Variants in FRMD5 observed in about 807,000 individuals in gnomAD.
FRMD5 encodes the protein FERM domain-containing protein 5.
FRMD5 carries 20 observed loss-of-function variants against 69.0 expected under a neutral mutation model. The observed-to-expected ratio is 0.29, with a 90% CI of 0.20 to 0.42. The LOEUF is 0.42. FRMD5 is among the 10% of genes least tolerant of loss of function. FRMD5 has a pLI of 1.00. For missense variants in FRMD5, 595 were observed against 708.6 expected (o/e 0.84, Z 1.82); for synonymous variants, 271 against 260.1 (o/e 1.04, Z -0.40).
At chr15:44,190,096 A>T (rs891878528) in intron 1 of FRMD5, among the ~76,000 whole-genome samples, 1 of 152,222 alleles carries the variant, frequency 6.6e-6, no homozygotes, top group Non-Finnish European at 1.5e-5. Flanking sequence ...GAAGTGAGAA[A>T]CAGAAGCTAT....
chr15:44,045,471 C>A (rs180733980), intron 1 of FRMD5, among the ~76,000 whole-genome samples: 90 of 152,016 alleles, frequency 5.9e-4, no homozygotes, highest in Non-Finnish European at 1.2e-3. Context: ...GGCTGATCAA[C>A]CCACATCAAC....
intron 1 of FRMD5, among the ~76,000 whole-genome samples, chr15:44,025,981 T>C (rs1369736052): frequency 6.6e-6 from 1 of 152,330 alleles, no homozygotes; most frequent in African/African-American, 2.4e-5. Flanking sequence ...ATTCCTTTTT[T>C]TGGTGGGGCA....
chr15:44,097,165 GTCC>G (rs1407625590), intron 1 of FRMD5, among the ~76,000 whole-genome samples: 3 of 152,162 alleles, frequency 2.0e-5, no homozygotes, highest in Non-Finnish European at 4.4e-5. Flanking sequence ...AGAACAAGAA[GTCC>G]AACAAAACCA....
intron 1 of FRMD5, among the ~76,000 whole-genome samples, chr15:44,150,909 T>C (rs1319376260): frequency 6.6e-6 from 1 of 152,040 alleles, no homozygotes; most frequent in Non-Finnish European, 1.5e-5. Flanking sequence ...CTGGCCAACA[T>C]GGCAAAACCC....
chr15:44,193,877 A>C (rs2078236210), intron 1 of FRMD5, among the ~76,000 whole-genome samples: 2 of 152,226 alleles, frequency 1.3e-5, no homozygotes, highest in African/African-American at 4.8e-5. Flanking sequence ...ACCCAGGCCG[A>C]CAGTTTTTGT....
At chr15:44,197,403 G>T (rs1174630965), upstream of FRMD5, among the ~76,000 whole-genome samples, 1 of 152,088 alleles carries the variant, frequency 6.6e-6, no homozygotes, top group Non-Finnish European at 1.5e-5. Flanking sequence ...AATATTTCAG[G>T]CTGGGCGCAG....
At chr15:44,019,285 T>G (rs545705314) in intron 1 of FRMD5, among the ~76,000 whole-genome samples, 1 of 152,168 alleles carries the variant, frequency 6.6e-6, no homozygotes, top group African/African-American at 2.4e-5. Context: ...GTTTATATTT[T>G]TATTAGCACA....
chr15:43,958,866 A>C (rs746786814), intron 1 of FRMD5, among the ~76,000 whole-genome samples: 1 of 152,194 alleles, frequency 6.6e-6, no homozygotes, highest in Non-Finnish European at 1.5e-5. Flanking sequence ...TGGCTATGTC[A>C]CAAAGGTGGT....
At chr15:44,169,945 T>C (rs980673233) in intron 1 of FRMD5, among the ~76,000 whole-genome samples, 8 of 152,222 alleles carry the variant, frequency 5.3e-5, no homozygotes, top group Non-Finnish European at 1.2e-4. Flanking sequence ...TTATTGCCTG[T>C]GTATAGAACT....
At chr15:44,186,306 A>G (rs1456711702) in intron 1 of FRMD5, among the ~76,000 whole-genome samples, 3 of 152,200 alleles carry the variant, frequency 2.0e-5, no homozygotes, top group Admixed American at 2.0e-4. Flanking sequence ...CCTCCTGCCT[A>G]GAGTATTTGG....
Position 44,165,810 on chromosome 15 carries a change from G to A in FRMD5, c.102+29143C>T, listed in dbSNP as rs373956834. Reference sequence around the variant, plus strand: ...TATGCCACTGTACTCCAGCCTGGGCGACAGAGTGAGACCCTGCCTCAAAAA... The same window carrying A: ...TATGCCACTGTACTCCAGCCTGGGCAACAGAGTGAGACCCTGCCTCAAAAA... On this transcript the variant is annotated intron_variant, in intron 1 of 13. Coordinates refer to ENST00000417257, the MANE Select transcript of FRMD5 (RefSeq NM_032892.5). Among the ~76,000 whole-genome samples, 24 of 152,188 alleles carry A rather than the reference G, an allele frequency of 1.6e-4. No individual in the cohort carries two copies. The East Asian group carries it at 3.3e-3, about 21-fold the overall frequency.
Position 43,874,354 on chromosome 15 carries a change from C to G in FRMD5, c.1244G>C (p.Arg415Pro), listed in dbSNP as rs764553573. 2 of 1,614,172 alleles carry G rather than the reference C, an allele frequency of 1.2e-6. No homozygotes were observed. Among genetic ancestry groups the G allele is most frequent in the East Asian group, 2.2e-5 (1 of 44,876 alleles). The change falls in exon 14 of 14, where the codon CGA becomes CCA. Residue 415 changes from arginine (R) to proline (P), a missense_variant. Physicochemically the swap from Arg to Pro is moderately radical, Grantham distance 103. Coordinates refer to ENST00000417257, the MANE Select transcript of FRMD5 (RefSeq NM_032892.5). ...VRSSRTDSNERVAVIADEAYS... is the reference protein window; with the variant it reads ...VRSSRTDSNEPVAVIADEAYS... ...GGCCTCGTCTGCAATCACAGCTACT[C>G]GCTCATTGCTATCTGTCCGGCTGCT...
At chr15:44,168,145 A>T (rs1402736158) in intron 1 of FRMD5, among the ~76,000 whole-genome samples, 1 of 152,200 alleles carries the variant, frequency 6.6e-6, no homozygotes, top group Non-Finnish European at 1.5e-5. Flanking sequence ...AATAAATCAA[A>T]TTGTTTGCAT....
At chr15:43,963,700 A>G (rs2090243778) in intron 1 of FRMD5, among the ~76,000 whole-genome samples, 1 of 152,260 alleles carries the variant, frequency 6.6e-6, no homozygotes, top group African/African-American at 2.4e-5. Context: ...CATTTGGCAC[A>G]TATACACCAT....
At chr15:44,080,556 GA>G (rs1317567453) in intron 1 of FRMD5, among the ~76,000 whole-genome samples, 1 of 152,078 alleles carries the variant, frequency 6.6e-6, no homozygotes, top group African/African-American at 2.4e-5. Context: ...GGGCTTACAA[GA>G]GAAAATGAGA....
At chr15:43,922,687 A>T (rs1283640300) in intron 2 of FRMD5, among the ~76,000 whole-genome samples, 3 of 138,770 alleles carry the variant, frequency 2.2e-5, no homozygotes, top group African/African-American at 2.9e-5. Flanking sequence ...TTTTTTTTTT[A>T]AAGACAAGAG....
chr15:43,962,513 T>C (rs2090219165), intron 1 of FRMD5, among the ~76,000 whole-genome samples: 1 of 152,144 alleles, frequency 6.6e-6, no homozygotes, highest in Admixed American at 6.5e-5. Flanking sequence ...GCCATCCCCA[T>C]CAAGCTACCA....
chr15:44,014,121 G>T (rs1390170755), intron 1 of FRMD5, among the ~76,000 whole-genome samples: 1 of 152,026 alleles, frequency 6.6e-6, no homozygotes, highest in Non-Finnish European at 1.5e-5. Context: ...CATCAGGGCT[G>T]GTTGAACCAA....
At chr15:44,193,029 A>G (rs1357628967) in intron 1 of FRMD5, among the ~76,000 whole-genome samples, 1 of 152,214 alleles carries the variant, frequency 6.6e-6, no homozygotes, top group Non-Finnish European at 1.5e-5. Flanking sequence ...TAACTCAAAA[A>G]TATTTTTTTT....
Sources: allele counts gnomAD v4.1 joint callset (sites outside exome capture counted in the v4.1 genomes callset), GRCh38; gene constraint gnomAD v4.1.1; transcripts MANE v1.5; gene names NCBI Gene and HGNC (gene_info 2026-07-23, HGNC 2026-07-21).